PARD3B: variants seen among roughly 807,000 people sequenced by gnomAD.
The protein encoded by PARD3B is par-3 family cell polarity regulator beta, also known as partitioning defective 3 homolog B.
PARD3B carries 103 observed loss-of-function variants against 130.2 expected under a neutral mutation model. The ratio of observed to expected loss-of-function variants is 0.79; its 90% confidence interval spans 0.67 to 0.93. The LOEUF (loss-of-function observed/expected upper bound fraction) is 0.93. Ranked by LOEUF, PARD3B falls within the 40% of genes least tolerant of loss-of-function variation. The probability of loss-of-function intolerance (pLI) is 0.00; values close to 1 mark genes in which losing one functional copy is unlikely to be tolerated. For missense variants in PARD3B, 1,609 were observed against 1,499.2 expected (o/e 1.07, Z -1.21); for synonymous variants, 583 against 553.2 (o/e 1.05, Z -0.76).
intron 21 of PARD3B, among the ~76,000 whole-genome samples, chr2:205,526,089 G>A (rs1183103277): frequency 1.3e-5 from 2 of 152,188 alleles, no homozygotes; most frequent in African/African-American, 4.8e-5. Context: ...AAACTACATT[G>A]CTCATCCATT....
rs62171470 is a variant in PARD3B, at chr2:205,279,041, A to T, written c.2186-21489A>T. Among the ~76,000 whole-genome samples the T allele has an allele frequency of 2.9e-4, 35 of 122,434 alleles. No individual in the cohort carries two copies. In the South Asian group the frequency reaches 9.1e-3, roughly 32 times the overall value. 80.3% of individuals were successfully genotyped at this position (122,434 alleles called of 152,430 possible). ...AGCCAAGATCGTACCACTTCACCCCAGCCTGGATGACAGAGCAAGAATCTG... is the reference window on the plus strand; with the variant it reads ...AGCCAAGATCGTACCACTTCACCCCTGCCTGGATGACAGAGCAAGAATCTG... On this transcript the variant is annotated intron_variant, in intron 16 of 22. Transcript: ENST00000406610.
In PARD3B at chr2:204,892,471, T is replaced by C. The variant is rs541623864; in HGVS notation, c.223-72681T>C. 1.6e-4 allele frequency among the ~76,000 whole-genome samples: 24 copies of C among 152,358 alleles called. No individual in the cohort carries two copies. In the South Asian group the frequency reaches 4.8e-3, roughly 30 times the overall value. On this transcript the variant is annotated intron_variant, in intron 2 of 22. Transcript: ENST00000406610. ...ATGGTAGCCGCTAGTCATGTGTGGC[T>C]GTTGAATACTTGTGATGTGGCTACC... is the stretch of plus-strand genomic sequence containing the variant.
chr2:205,482,489 G>A (rs910857192), intron 20 of PARD3B: 1 of 152,360 alleles, frequency 6.6e-6, no homozygotes, highest in Non-Finnish European at 1.5e-5. Context: ...GAGAGAGACA[G>A]GAGGCAATAG....
intron 2 of PARD3B, among the ~76,000 whole-genome samples, chr2:204,811,707 T>C (rs2042967372): frequency 6.6e-6 from 1 of 152,184 alleles, no homozygotes; most frequent in Non-Finnish European, 1.5e-5. Context: ...AATTTCAAAA[T>C]ATGCAGTTGT....
rs560253028 is a variant in PARD3B, at chr2:204,923,575, A to T, written c.223-41577A>T. ...CAAATATACAATATATTAAAATTTCATATGGAGGTGGCAATTAGGAAGGCA... is the reference window on the plus strand; with the variant it reads ...CAAATATACAATATATTAAAATTTCTTATGGAGGTGGCAATTAGGAAGGCA... On this transcript the variant is annotated intron_variant, in intron 2 of 22. Coordinates refer to ENST00000406610, the MANE Select transcript of PARD3B (RefSeq NM_001302769.2). Among the ~76,000 whole-genome samples, 13 of 152,200 alleles carry T rather than the reference A, an allele frequency of 8.5e-5. No homozygotes were observed. In the South Asian group the frequency reaches 2.7e-3, roughly 32 times the overall value.
chr2:205,345,424 C>T (rs1000581121), intron 18 of PARD3B, among the ~76,000 whole-genome samples: 1 of 152,084 alleles, frequency 6.6e-6, no homozygotes, highest in South Asian at 2.1e-4. Context: ...ATTTTATGAC[C>T]TTCTTCAAAG....
chr2:204,861,987 TATTA>T (rs1015663578), intron 2 of PARD3B, among the ~76,000 whole-genome samples: 9 of 110,870 alleles, frequency 8.1e-5, no homozygotes, highest in African/African-American at 2.8e-4. Context: ...AAAGGGCAAA[TATTA>T]ATTTTTTAGA....
At chr2:205,104,275 G>T (rs1703034849) in intron 4 of PARD3B, 151 bp from the exon 5 acceptor site, 1 of 593,518 alleles carries the variant, frequency 1.7e-6, no homozygotes, top group East Asian at 2.7e-5. Flanking sequence ...GCACAGAAAA[G>T]ATTAACACCT....
At chr2:205,246,230 AT>A (rs1198874740) in intron 16 of PARD3B, among the ~76,000 whole-genome samples, 53 of 55,722 alleles carry the variant, frequency 9.5e-4, no homozygotes, top group Middle Eastern at 0.01. Context: ...AAAGAATAGG[AT>A]TTTTTTTCTT....
At chr2:205,163,933 A>G (rs924663152) in intron 11 of PARD3B, among the ~76,000 whole-genome samples, 2 of 152,342 alleles carry the variant, frequency 1.3e-5, no homozygotes, top group African/African-American at 4.8e-5. Context: ...ACTGGTAGTC[A>G]GTGACTTCTA....
At chr2:205,106,278 G>C (rs1703204447) in intron 5 of PARD3B, among the ~76,000 whole-genome samples, 3 of 151,972 alleles carry the variant, frequency 2.0e-5, no homozygotes, top group Non-Finnish European at 4.4e-5. Context: ...CTCCCAAGTA[G>C]CTGGGATTAC....
At chr2:205,497,475 T>C (rs901459954) in intron 20 of PARD3B, among the ~76,000 whole-genome samples, 2 of 148,134 alleles carry the variant, frequency 1.4e-5, no homozygotes, top group African/African-American at 5.0e-5. Context: ...TTGTAAAATA[T>C]TTTTTAAAAA....
intron 18 of PARD3B, among the ~76,000 whole-genome samples, chr2:205,354,717 C>A (rs1057176544): frequency 6.6e-6 from 1 of 152,152 alleles, no homozygotes; most frequent in African/African-American, 2.4e-5. Flanking sequence ...CCAGAGATTA[C>A]AAACAGTGAC....
At chr2:205,023,908 A>G (rs1696821086) in intron 3 of PARD3B, among the ~76,000 whole-genome samples, 1 of 151,966 alleles carries the variant, frequency 6.6e-6, no homozygotes, top group African/African-American at 2.4e-5. Flanking sequence ...AGGAGTGCAG[A>G]TTTTTGAAAG....
In PARD3B at chr2:205,158,973, A is replaced by G. The variant is rs2034350675; in HGVS notation, c.1620+66A>G. The G allele has an allele frequency of 7.8e-6, 12 of 1,543,692 alleles. No homozygotes were observed. The highest frequency in any genetic ancestry group is 1.1e-5 in the Non-Finnish European group (12 of 1,125,662). ...TTGGAGATGTGACTGTTGTACTTAGAGACTGAATGGAGAAAGTGTCTGAAG... is the reference window on the plus strand; with the variant it reads ...TTGGAGATGTGACTGTTGTACTTAGGGACTGAATGGAGAAAGTGTCTGAAG... On this transcript the variant is annotated intron_variant, in intron 11 of 22. Transcript: ENST00000406610. This position sits in a 1 kb window ranked among gnomAD's most constrained non-coding sequence, Gnocchi z 5.4.
intron 14 of PARD3B, 101 bp downstream of exon 14, chr2:205,185,964 T>G (rs1334710437): frequency 2.0e-6 from 2 of 989,698 alleles, no homozygotes; most frequent in Admixed American, 1.9e-5. Context: ...TATTTCTTTC[T>G]GGAATGGAAA....
At chr2:205,531,180 C>T (rs1020060842) in intron 21 of PARD3B, among the ~76,000 whole-genome samples, 11 of 152,038 alleles carry the variant, frequency 7.2e-5, no homozygotes, top group Non-Finnish European at 1.5e-5. Flanking sequence ...TTAGTCTTTC[C>T]ACTTAAATCA....
chr2:204,854,341 T>C (rs193144139), intron 2 of PARD3B, among the ~76,000 whole-genome samples: 1 of 152,238 alleles, frequency 6.6e-6, no homozygotes, highest in Non-Finnish European at 1.5e-5. Flanking sequence ...GTAGAAGTGA[T>C]GAGGGCATTC....
chr2:204,613,970 G>T (rs1032379696), intron 1 of PARD3B, among the ~76,000 whole-genome samples: 6 of 151,898 alleles, frequency 4.0e-5, no homozygotes, highest in Non-Finnish European at 8.8e-5. Flanking sequence ...TCTGTCCTTC[G>T]TGATTGGTGG....
Sources: allele counts gnomAD v4.1 joint callset (sites outside exome capture counted in the v4.1 genomes callset), GRCh38; gene constraint gnomAD v4.1.1; non-coding constraint Gnocchi (gnomAD v3.1); transcripts MANE v1.5; gene names NCBI Gene and HGNC (gene_info 2026-07-23, HGNC 2026-07-21).